ESAM: variants seen among roughly 807,000 people sequenced by gnomAD.
ESAM encodes endothelial cell-selective adhesion molecule.
Under a neutral mutation model 31.8 loss-of-function variants are expected in ESAM, and 23 were observed. The ratio of observed to expected loss-of-function variants is 0.72; its 90% CI spans 0.52 to 1.03. The LOEUF is 1.03. ESAM is among the 50% of genes least tolerant of loss of function. The probability of loss-of-function intolerance (pLI) is 0.00; values close to 1 mark genes in which losing one functional copy is unlikely to be tolerated. For synonymous variants in ESAM, 216 were observed against 207.2 expected (o/e 1.04, Z -0.37); for missense variants, 478 against 488.9 (o/e 0.98, Z 0.21).
chr11:124,757,720 CAG>C (rs1276435624), intron 2 of ESAM, among the ~76,000 whole-genome samples: 10 of 124,432 alleles, frequency 8.0e-5, no homozygotes, highest in Non-Finnish European at 1.4e-4. Flanking sequence ...TTTTTTGAGA[CAG>C]AGTCTTACTC....
rs546717375 is a variant in ESAM at position 124,759,310 on chromosome 11, G to T, written c.71-783C>A. 2 of 152,402 alleles carry T rather than the reference G, an allele frequency of 1.3e-5. No homozygotes were observed. The highest frequency in any genetic ancestry group is 2.9e-5 in the Non-Finnish European group (2 of 68,172). The allele number at this position is 152,402 out of a possible 1,614,324, so 9.4% of individuals were successfully genotyped here. ...CCCTGAGTGTGTCCGGCGCTCAGGGGGTGGACCGGGGTGTTGGTTTCAAGG... is the reference window on the plus strand; with the variant it reads ...CCCTGAGTGTGTCCGGCGCTCAGGGTGTGGACCGGGGTGTTGGTTTCAAGG... On this transcript the variant is annotated intron_variant, in intron 1 of 6. Transcript: ENST00000278927. This position sits in a 1 kb window ranked among gnomAD's most constrained non-coding sequence, Gnocchi z 6.8.
chr11:124,761,100 A>T (rs1296354904), intron 1 of ESAM, among the ~76,000 whole-genome samples: 1 of 152,104 alleles, frequency 6.6e-6, no homozygotes, highest in Non-Finnish European at 1.5e-5. Flanking sequence ...GTAGAATTTC[A>T]CTCTACAGCT....
At position 124,754,425 on chromosome 11, in the gene ESAM, C is replaced by A; in HGVS notation, c.731-85G>T. 2 of 1,543,186 alleles carry A rather than the reference C, an allele frequency of 1.3e-6. No homozygotes were observed. The highest frequency in any genetic ancestry group is 1.2e-5 in the South Asian group (1 of 80,440). ...ATCCCACTCTCCCCACCCCATCTGC[C>A]ACCATACACATTCCCTCTTTTTCCC... On this transcript the variant is annotated intron_variant, in intron 5 of 6. Transcript: ENST00000278927. This position sits in a 1 kb window ranked among gnomAD's most constrained non-coding sequence, Gnocchi z 4.5.
At chr11:124,761,940 TGATGC>T in intron 1 of ESAM, 140 bp downstream of exon 1, 1 of 735,594 alleles carries the variant, frequency 1.4e-6, no homozygotes, top group Non-Finnish European at 2.3e-6. Flanking sequence ...CGCCAGCCAG[TGATGC>T]CCTGGAGTGG....
At position 124,762,118 on chromosome 11, in the gene ESAM, G is replaced by A. The variant is rs142533020; in HGVS notation, c.37C>T (p.Leu13=). ...SLPGPLVTNL[L]RFLFLGLSAL... is the part of the protein sequence containing the mutation. Reference sequence around the variant, plus strand: ...CTCAGCCCCAGGAACAAAAACCGCAGCAAGTTGGTCACCAGGGGCCCCGGG... The same window carrying A: ...CTCAGCCCCAGGAACAAAAACCGCAACAAGTTGGTCACCAGGGGCCCCGGG... Residue 13 remains leucine, a synonymous_variant, in exon 1 of 7, where the codon CTG becomes TTG. Transcript: ENST00000278927. This position sits in a 1 kb window ranked among gnomAD's most constrained non-coding sequence, Gnocchi z 6.4. 1.2e-3 allele frequency: 1,998 copies of A among 1,609,398 alleles called. 2 individuals carry two copies. The highest frequency in any genetic ancestry group is 1.6e-3 in the Non-Finnish European group (1,869 of 1,177,704).
At chr11:124,756,805 G>A in intron 2 of ESAM, 63 bp from the exon 3 acceptor site, 1 of 1,545,182 alleles carries the variant, frequency 6.5e-7, no homozygotes. Flanking sequence ...TACAGGCTCA[G>A]CCACTCTCCC....
chr11:124,753,714 C>T lies in ESAM; in HGVS notation c.1105G>A (p.Gly369Ser). The T allele has an allele frequency of 3.7e-6, 6 of 1,614,096 alleles. No homozygotes were observed. Among genetic ancestry groups the T allele is most frequent in the Non-Finnish European group, 5.1e-6 (6 of 1,180,040 alleles). ...SPIPGGVSSS[G>S]LSRMGAVPVM... ...GGCACAGCACCCATGCGGCTCAAGC[C>T]AGAGGAAGAAACCCCACCAGGGATG... is the stretch of plus-strand genomic sequence containing the variant. Residue 369 changes from glycine (G) to serine (S), a missense_variant, in exon 7 of 7, where the codon GGC becomes AGC. Coordinates refer to ENST00000278927, the MANE Select transcript of ESAM (RefSeq NM_138961.3).
At position 124,754,024 on chromosome 11, in the gene ESAM, C is replaced by T. The variant is rs191465193; in HGVS notation, c.858-63G>A. ...TGGGGGAAGGAGGAGAGAGTTTCTACCTGCTTGGTCTTATATACCACCTCT... is the reference window on the plus strand; with the variant it reads ...TGGGGGAAGGAGGAGAGAGTTTCTATCTGCTTGGTCTTATATACCACCTCT... On this transcript the variant is annotated intron_variant, in intron 6 of 6. Coordinates refer to ENST00000278927, the MANE Select transcript of ESAM (RefSeq NM_138961.3). This position sits in a 1 kb window ranked among gnomAD's most constrained non-coding sequence, Gnocchi z 4.5. 5,019 of 1,586,536 alleles carry T rather than the reference C, an allele frequency of 3.2e-3. 10 individuals carry two copies. Among genetic ancestry groups the T allele is most frequent in the Non-Finnish European group, 3.8e-3 (4,429 of 1,165,338 alleles).
intron 3 of ESAM, 52 bp from the exon 4 acceptor site, chr11:124,756,414 C>T (rs1944155512): frequency 6.3e-7 from 1 of 1,576,796 alleles, no homozygotes; most frequent in Non-Finnish European, 8.6e-7. Flanking sequence ...CACAGATCCT[C>T]TCCCTCTGCC....
At chr11:124,760,766 T>C (rs1249235474) in intron 1 of ESAM, among the ~76,000 whole-genome samples, 20 of 152,328 alleles carry the variant, frequency 1.3e-4, no homozygotes, top group Admixed American at 1.2e-3. Flanking sequence ...ACTCAGGCAG[T>C]CAACTTGAAC....
At position 124,754,598 on chromosome 11, in the gene ESAM, C is replaced by T. The variant is rs371980406; in HGVS notation, c.730+43G>A. On this transcript the variant is annotated intron_variant, in intron 5 of 6. Transcript: ENST00000278927. This position sits in a 1 kb window ranked among gnomAD's most constrained non-coding sequence, Gnocchi z 4.5. ...TCCTCCCCACTTGCAACCCCTCCCC[C>T]ACCATTGACCACTCTTCTTAACCAC... is the stretch of plus-strand genomic sequence containing the variant. 36 of 1,585,878 alleles carry T rather than the reference C, an allele frequency of 2.3e-5. No individual in the cohort carries two copies. Among genetic ancestry groups the T allele is most frequent in the Non-Finnish European group, 2.6e-5 (30 of 1,163,902 alleles).
rs1369076126 is a variant in ESAM, at chr11:124,754,082, C to G, written c.858-121G>C. On this transcript the variant is annotated intron_variant, in intron 6 of 6. Coordinates refer to ENST00000278927, the MANE Select transcript of ESAM (RefSeq NM_138961.3). The surrounding 1 kb of genome is among the most constrained non-coding windows in gnomAD (Gnocchi z 4.5). ...CACTTCAGTACTCCTTTCCCTCTCCCTTAAAACCTGCCCATAGGAATGATG... is the reference window on the plus strand; with the variant it reads ...CACTTCAGTACTCCTTTCCCTCTCCGTTAAAACCTGCCCATAGGAATGATG... The G allele has an allele frequency of 4.5e-6, 7 of 1,554,606 alleles. No individual in the cohort carries two copies. Among genetic ancestry groups the G allele is most frequent in the African/African-American group, 1.4e-5 (1 of 73,450 alleles).
In ESAM at chr11:124,758,504, G is replaced by T. The variant is rs777738077; in HGVS notation, c.94C>A (p.Gln32Lys). The T allele has an allele frequency of 1.2e-5, 19 of 1,591,750 alleles. No homozygotes were observed. The highest frequency in any genetic ancestry group is 6.8e-5 in the East Asian group (3 of 43,920). ...ALAPPSRAQL[Q>K]LHLPANRLQA... Reference sequence around the variant, plus strand: ...AACCGGTTGGCGGGCAAGTGCAGTTGCAGCTGGGCCCGCGAGGGGGGCGCT... The same window carrying T: ...AACCGGTTGGCGGGCAAGTGCAGTTTCAGCTGGGCCCGCGAGGGGGGCGCT... Residue 32 changes from glutamine (Q) to lysine (K), a missense_variant, in exon 2 of 7, where the codon CAA (glutamine) becomes AAA (lysine). Coordinates refer to ENST00000278927, the MANE Select transcript of ESAM (RefSeq NM_138961.3).
At chr11:124,756,819 C>A in intron 2 of ESAM, 77 bp from the exon 3 acceptor site, 1 of 1,478,962 alleles carries the variant, frequency 6.8e-7, no homozygotes, top group South Asian at 1.2e-5. Context: ...CTCTCCCTCC[C>A]CCAGCTCGCA....
rs371980406 is a variant in ESAM, at chr11:124,754,598, C to G, written c.730+43G>C. On this transcript the variant is annotated intron_variant, in intron 5 of 6. Coordinates refer to ENST00000278927, the MANE Select transcript of ESAM (RefSeq NM_138961.3). The surrounding 1 kb of genome is among the most constrained non-coding windows in gnomAD (Gnocchi z 4.5). The stretch of plus-strand genomic sequence containing the variant: ...TCCTCCCCACTTGCAACCCCTCCCC[C>G]ACCATTGACCACTCTTCTTAACCAC... 11 of 1,585,996 alleles carry G rather than the reference C, an allele frequency of 6.9e-6. No homozygotes were observed. The highest frequency in any genetic ancestry group is 1.2e-5 in the South Asian group (1 of 86,826).
rs569797014 is a variant in ESAM, at chr11:124,758,451, C to A, written c.147G>T (p.Val49=). 1.2e-6 allele frequency: 2 copies of A among 1,613,696 alleles called. No individual in the cohort carries two copies. Among genetic ancestry groups the A allele is most frequent in the South Asian group, 2.2e-5 (2 of 91,040 alleles). ...CGTGCAAGGTGTACCACGCTGGAAG[C>A]ACCACTTCCCCTCCCTCCACCGCCT... ...RLQAVEGGEV[V]LPAWYTLHGE... The change falls in exon 2 of 7, where the codon GTG becomes GTT. Residue 49 remains valine (V), a synonymous_variant. Transcript: ENST00000278927.
At chr11:124,758,878 G>A (rs1373122573) in intron 1 of ESAM, among the ~76,000 whole-genome samples, 2 of 152,214 alleles carry the variant, frequency 1.3e-5, no homozygotes, top group Non-Finnish European at 2.9e-5. Context: ...AGGGTGGACC[G>A]ACTGTTTCTG....
intron 2 of ESAM, chr11:124,757,636 G>A (rs1480255734): frequency 2.0e-5 from 3 of 152,050 alleles, no homozygotes; most frequent in African/African-American, 7.3e-5. Flanking sequence ...GGGAAGAGAA[G>A]TGGCCTGTGA....
At position 124,754,653 on chromosome 11, in the gene ESAM, C is replaced by G. The variant is rs1407323487; in HGVS notation, c.718G>C (p.Glu240Gln). 1 of 1,613,464 alleles carries G rather than the reference C, an allele frequency of 6.2e-7. No individual in the cohort carries two copies. The highest frequency in any genetic ancestry group is 1.3e-5 in the African/African-American group (1 of 75,024). ...ACCCCTCACTGACCTGTGCTCACTTCCAGCGTCACATTACATTGGGCAGTG... is the reference window on the plus strand; with the variant it reads ...ACCCCTCACTGACCTGTGCTCACTTGCAGCGTCACATTACATTGGGCAGTG... The part of the protein sequence containing the change: ...VGTAQCNVTL[E>Q]VSTGPGAAVV... Residue 240 changes from glutamate (E) to glutamine (Q), a missense_variant, in exon 5 of 7, where the codon GAA becomes CAA. Physicochemically the swap from Glu to Gln is conservative, Grantham distance 29. Transcript: ENST00000278927. The surrounding 1 kb of genome is among the most constrained non-coding windows in gnomAD (Gnocchi z 4.5).
Sources: allele counts gnomAD v4.1 joint callset (sites outside exome capture counted in the v4.1 genomes callset), GRCh38; gene constraint gnomAD v4.1.1; non-coding constraint Gnocchi (gnomAD v3.1); transcripts MANE v1.5; gene names NCBI Gene and HGNC (gene_info 2026-07-23, HGNC 2026-07-21).